The following SLIT3 variants were observed in gnomAD, a reference collection of about 807,000 sequenced individuals.
The protein encoded by SLIT3 is slit guidance ligand 3.
A neutral mutation model predicts 184.0 loss-of-function variants in SLIT3; 68 were observed. The ratio of observed to expected loss-of-function variants is 0.37; its 90% CI spans 0.30 to 0.45. SLIT3 has a LOEUF of 0.45. Among genes scored for constraint, SLIT3 ranks in the 20% least tolerant of loss-of-function variants. SLIT3 has a pLI of 1.00. For synonymous variants in SLIT3, 831 were observed against 828.6 expected (o/e 1.00, Z -0.05); for missense variants, 1,707 against 2,026.0 (o/e 0.84, Z 3.02).
chr5:168,983,406 G>A (rs1251695858), intron 4 of SLIT3, among the ~76,000 whole-genome samples: 10 of 152,164 alleles, frequency 6.6e-5, no homozygotes, highest in South Asian at 2.1e-4. Flanking sequence ...CCTGCAATCC[G>A]TTCCCCTAGG....
intron 5 of SLIT3, among the ~76,000 whole-genome samples, chr5:168,870,198 A>G (rs1476024887): frequency 1.3e-5 from 2 of 152,222 alleles, no homozygotes; most frequent in African/African-American, 4.8e-5. Context: ...AATATTTTTG[A>G]TGACTGGCTC....
At chr5:168,709,539 T>C (rs1358729040) in intron 25 of SLIT3, among the ~76,000 whole-genome samples, 3 of 152,236 alleles carry the variant, frequency 2.0e-5, no homozygotes, top group African/African-American at 7.2e-5. Context: ...TTGAGACCTA[T>C]ACTGTTCTTG....
intron 4 of SLIT3, among the ~76,000 whole-genome samples, chr5:169,109,410 G>A (rs1760330817): frequency 1.3e-5 from 2 of 152,198 alleles, no homozygotes; most frequent in African/African-American, 4.8e-5. Flanking sequence ...TTCTTCCCCA[G>A]TCAAGCCTCC....
At chr5:169,259,220 G>A (rs10041434) in intron 1 of SLIT3, among the ~76,000 whole-genome samples, 33 of 152,060 alleles carry the variant, frequency 2.2e-4, no homozygotes, top group African/African-American at 7.7e-4. Flanking sequence ...CACCACATCT[G>A]GCTAATTTTT....
intron 10 of SLIT3, among the ~76,000 whole-genome samples, chr5:168,793,045 A>G (rs1283209406): frequency 6.6e-6 from 1 of 152,226 alleles, no homozygotes; most frequent in Non-Finnish European, 1.5e-5. Context: ...AAGATATCTC[A>G]TTATGTATGT....
At chr5:169,081,619 A>G (rs1210653016) in intron 4 of SLIT3, among the ~76,000 whole-genome samples, 1 of 152,138 alleles carries the variant, frequency 6.6e-6, no homozygotes, top group Non-Finnish European at 1.5e-5. Context: ...TGCTCTGAGA[A>G]GGTCCCAGAA....
intron 19 of SLIT3, 65 bp downstream of exon 19, chr5:168,749,407 A>G: frequency 1.9e-6 from 3 of 1,577,436 alleles, no homozygotes; most frequent in Non-Finnish European, 2.6e-6. Context: ...CTGATTGTGC[A>G]TCTTCGCCAT....
chr5:169,100,837 G>A (rs961961026), intron 4 of SLIT3, among the ~76,000 whole-genome samples: 2 of 152,204 alleles, frequency 1.3e-5, no homozygotes, highest in African/African-American at 4.8e-5. Context: ...AGGGTTCTCT[G>A]CGGTCACTGG....
At chr5:168,941,336 C>G (rs1018429687) in intron 4 of SLIT3, among the ~76,000 whole-genome samples, 3 of 152,148 alleles carry the variant, frequency 2.0e-5, no homozygotes, top group Non-Finnish European at 4.4e-5. Flanking sequence ...AACTCTGGCT[C>G]TATATACTCC....
At position 169,137,335 on chromosome 5, in the gene SLIT3, C is replaced by CACAGAGAGAGAGAG. The variant is rs368371904; in HGVS notation, c.413+56143_413+56144insCTCTCTCTCTCTGT. On this transcript the variant is annotated intron_variant, in intron 4 of 35. Transcript: ENST00000519560. ...ACACACACACACACACACACACACA[C>CACAGAGAGAGAGAG]AGAGAGAGAGAGAGAGAGAGAAACA... 6.3e-4 allele frequency among the ~76,000 whole-genome samples: 87 copies of CACAGAGAGAGAGAG among 138,660 alleles called. 1 individual carries two copies. Among genetic ancestry groups the CACAGAGAGAGAGAG allele is most frequent in the African/African-American group, 2.3e-3 (82 of 35,716 alleles). 91.0% of individuals were successfully genotyped at this position (138,660 alleles called of 152,430 possible). A position where few individuals can be genotyped will look rare whatever the true frequency, so the allele number is the denominator to read the frequency against.
rs370372067 is a variant in SLIT3, at chr5:169,160,780, T to G, written c.413+32699A>C. Among the ~76,000 whole-genome samples, 54 of 152,288 alleles carry G rather than the reference T, an allele frequency of 3.5e-4. 1 individual carries two copies. In the East Asian group the frequency reaches 0.01, roughly 28 times the overall value. ...TCATTGCTCAGCTCCAAGCCAAAGATGTCAAACAGGCCAACCACGTGAAGC... is the reference window on the plus strand; with the variant it reads ...TCATTGCTCAGCTCCAAGCCAAAGAGGTCAAACAGGCCAACCACGTGAAGC... On this transcript the variant is annotated intron_variant, in intron 4 of 35. Coordinates refer to ENST00000519560, the MANE Select transcript of SLIT3 (RefSeq NM_003062.4).
At chr5:168,843,397 G>C (rs928386058) in intron 6 of SLIT3, among the ~76,000 whole-genome samples, 44 of 152,228 alleles carry the variant, frequency 2.9e-4, no homozygotes, top group African/African-American at 1.1e-3. Context: ...TCTGGAATCA[G>C]AGATAGGTAA....
intron 4 of SLIT3, among the ~76,000 whole-genome samples, chr5:168,958,772 G>A (rs1282654371): frequency 6.6e-6 from 1 of 152,234 alleles, no homozygotes; most frequent in African/African-American, 2.4e-5. Flanking sequence ...GTGTGCTGTG[G>A]TGGAAGAAGG....
Position 169,105,671 on chromosome 5 carries a change from T to C in SLIT3, c.413+87808A>G, listed in dbSNP as rs530336212. Among the ~76,000 whole-genome samples, 15 of 152,336 alleles carry C rather than the reference T, an allele frequency of 9.8e-5. No individual in the cohort carries two copies. In the South Asian group the frequency reaches 2.7e-3, roughly 27 times the overall value. On this transcript the variant is annotated intron_variant, in intron 4 of 35. Coordinates refer to ENST00000519560, the MANE Select transcript of SLIT3 (RefSeq NM_003062.4). ...AAAGATCAAGATTCATCTGTTCTCA[T>C]TGTTCAGCTCTCACTTGTAAGTGAG...
intron 4 of SLIT3, among the ~76,000 whole-genome samples, chr5:169,175,266 C>A (rs145374674): frequency 6.6e-6 from 1 of 152,186 alleles, no homozygotes; most frequent in South Asian, 2.1e-4. Flanking sequence ...TATCCATTTA[C>A]ACAGTGAATA....
intron 5 of SLIT3, among the ~76,000 whole-genome samples, chr5:168,849,934 C>G (rs755987470): frequency 1.3e-5 from 2 of 152,004 alleles, no homozygotes; most frequent in Non-Finnish European, 2.9e-5. Flanking sequence ...TCCAATTGTC[C>G]TTTAAGCAGA....
chr5:169,007,179 C>T (rs1464967126), intron 4 of SLIT3, among the ~76,000 whole-genome samples: 2 of 152,152 alleles, frequency 1.3e-5, no homozygotes, highest in Non-Finnish European at 2.9e-5. Flanking sequence ...TCCCTGCTTC[C>T]CCTTCTGCTA....
At chr5:169,274,572 T>C (rs1047336997) in intron 1 of SLIT3, among the ~76,000 whole-genome samples, 1 of 152,170 alleles carries the variant, frequency 6.6e-6, no homozygotes, top group African/African-American at 2.4e-5. Flanking sequence ...ATGGAATGAA[T>C]GAAGGAAAGA....
intron 7 of SLIT3, among the ~76,000 whole-genome samples, chr5:168,819,344 G>A (rs58434273): frequency 0.018 from 2,769 of 152,344 alleles, 62 homozygotes; most frequent in African/African-American, 0.053. Context: ...ACTTTTCGCC[G>A]GGTATAAATG....
Sources: allele counts gnomAD v4.1 joint callset (sites outside exome capture counted in the v4.1 genomes callset), GRCh38; gene constraint gnomAD v4.1.1; transcripts MANE v1.5; gene names NCBI Gene and HGNC (gene_info 2026-07-23, HGNC 2026-07-21).